Variants in DENND2A observed in about 807,000 individuals in gnomAD.
DENND2A encodes the protein DENN domain containing 2A.
DENND2A carries 53 observed loss-of-function variants against 105.3 expected under a neutral mutation model. The ratio of observed to expected loss-of-function variants is 0.50; its 90% CI spans 0.40 to 0.63. DENND2A has a LOEUF of 0.63. Ranked by LOEUF, DENND2A falls within the 30% of genes least tolerant of loss-of-function variation. The probability of loss-of-function intolerance (pLI) is 0.00; values close to 1 mark genes in which losing one functional copy is unlikely to be tolerated. For synonymous variants in DENND2A, 522 were observed against 508.4 expected (o/e 1.03, Z -0.36); for missense variants, 1,138 against 1,279.6 (o/e 0.89, Z 1.69).
intron 1 of DENND2A, among the ~76,000 whole-genome samples, chr7:140,610,344 G>T (rs1585751053): frequency 6.7e-6 from 1 of 149,384 alleles, no homozygotes; most frequent in African/African-American, 2.5e-5. Context: ...TTTTAATCCT[G>T]TTGGGTACTG....
intron 5 of DENND2A, among the ~76,000 whole-genome samples, chr7:140,576,839 TA>T (rs900492877): frequency 1.3e-5 from 2 of 152,216 alleles, no homozygotes; most frequent in Non-Finnish European, 2.9e-5. Context: ...AAATTCCATC[TA>T]CAATAAAATC....
At chr7:140,639,699 G>A (rs1387110964) in intron 1 of DENND2A, among the ~76,000 whole-genome samples, 1 of 152,120 alleles carries the variant, frequency 6.6e-6, no homozygotes. Flanking sequence ...TTGGAACCTT[G>A]GGGAAGTCAC....
At chr7:140,584,166 C>G (rs78842802) in intron 5 of DENND2A, among the ~76,000 whole-genome samples, 2 of 146,654 alleles carry the variant, frequency 1.4e-5, no homozygotes, top group African/African-American at 5.1e-5. Flanking sequence ...TGCTTGAACC[C>G]GGGAGGTGGA....
At position 140,573,983 on chromosome 7, in the gene DENND2A, A is replaced by C. The variant is rs1798200976; in HGVS notation, c.1271T>G (p.Phe424Cys). The part of the protein sequence containing the change: ...TKQSLSKPAF[F>C]RQNSERRNFK... Reference sequence around the variant, plus strand: ...GTTCCTCCTCTCTGAATTTTGTCGGAAAAAAGCAGGTTTGGACAATGACTG... The same window carrying C: ...GTTCCTCCTCTCTGAATTTTGTCGGCAAAAAGCAGGTTTGGACAATGACTG... Residue 424 changes from phenylalanine (F) to cysteine (C), a missense_variant, in exon 6 of 20, where the codon TTC becomes TGC. Transcript: ENST00000496613. The C allele has an allele frequency of 6.2e-7, 1 of 1,614,146 alleles. No homozygotes were observed. Among genetic ancestry groups the C allele is most frequent in the Admixed American group, 1.7e-5 (1 of 60,008 alleles).
At chr7:140,566,356 CT>C (rs1206969013) in intron 9 of DENND2A, among the ~76,000 whole-genome samples, 1 of 152,064 alleles carries the variant, frequency 6.6e-6, no homozygotes. Flanking sequence ...AATAAATTTG[CT>C]TTCATTTTAC....
intron 1 of DENND2A, among the ~76,000 whole-genome samples, chr7:140,638,533 G>C (rs1801043351): frequency 6.6e-6 from 1 of 152,064 alleles, no homozygotes; most frequent in Non-Finnish European, 1.5e-5. Context: ...CCAACAACTA[G>C]AAGGAGCGCA....
chr7:140,560,619 C>T (rs1371804103), intron 9 of DENND2A, among the ~76,000 whole-genome samples: 1 of 151,640 alleles, frequency 6.6e-6, no homozygotes, highest in Non-Finnish European at 1.5e-5. Flanking sequence ...TAGCAAGGTC[C>T]CACCTCTATG....
At chr7:140,568,646 C>T (rs920803185) in intron 8 of DENND2A, 117 bp downstream of exon 8, 100 of 1,057,210 alleles carry the variant, frequency 9.5e-5, no homozygotes, top group African/African-American at 3.9e-4. Context: ...GAGATGTCCA[C>T]GCCTTGCCAA....
chr7:140,626,411 T>C (rs1185897834), intron 1 of DENND2A, among the ~76,000 whole-genome samples: 2 of 152,154 alleles, frequency 1.3e-5, no homozygotes, highest in African/African-American at 4.8e-5. Flanking sequence ...ATCCTGAGAA[T>C]GGGAGGAAGG....
chr7:140,539,142 T>G (rs1234996881), intron 14 of DENND2A, among the ~76,000 whole-genome samples: 1 of 152,226 alleles, frequency 6.6e-6, no homozygotes, highest in Non-Finnish European at 1.5e-5. Context: ...TTCCAGAATT[T>G]TCCAGGTCAG....
At chr7:140,531,661 A>G (rs1796270955) in intron 14 of DENND2A, among the ~76,000 whole-genome samples, 1 of 151,536 alleles carries the variant, frequency 6.6e-6, no homozygotes, top group South Asian at 2.1e-4. Flanking sequence ...TACAAAAACA[A>G]AAAACGAGTC....
rs28513390 is a variant in DENND2A, at chr7:140,595,806, C to A, written c.995+5597G>T. 7.1e-3 allele frequency among the ~76,000 whole-genome samples: 1,086 copies of A among 152,120 alleles called. 8 individuals carry two copies. Among genetic ancestry groups the A allele is most frequent in the African/African-American group, 0.024 (1,009 of 41,488 alleles). ...CTTGGCTAGCCTGGCACCTAGCGAC[C>A]ATTTAAAACATCATCCAGCTGGGTT... is the stretch of plus-strand genomic sequence containing the variant. On this transcript the variant is annotated intron_variant, in intron 3 of 19. Coordinates refer to ENST00000496613, the MANE Select transcript of DENND2A (RefSeq NM_015689.5).
In DENND2A at chr7:140,559,307, T is replaced by A. The variant is rs1797518178; in HGVS notation, c.1889+401A>T. On this transcript the variant is annotated intron_variant, in intron 10 of 19. Coordinates refer to ENST00000496613, the MANE Select transcript of DENND2A (RefSeq NM_015689.5). The surrounding 1 kb of genome is among the most constrained non-coding windows in gnomAD (Gnocchi z 4.1). ...CTGAGTTTGGCCAAATGCGGAAACA[T>A]CTGATAATAAAAACACTGGTGTCTA... is the stretch of plus-strand genomic sequence containing the variant. Among the ~76,000 whole-genome samples the A allele has an allele frequency of 6.6e-6, 1 of 152,096 alleles. No homozygotes were observed. The highest frequency in any genetic ancestry group is 2.4e-5 in the African/African-American group (1 of 41,414).
intron 5 of DENND2A, among the ~76,000 whole-genome samples, chr7:140,576,017 G>T (rs1798286429): frequency 6.7e-6 from 1 of 148,770 alleles, no homozygotes. Context: ...TGATATGGAA[G>T]GTTCTTTCAG....
At chr7:140,637,784 CCA>C (rs1355774857) in intron 1 of DENND2A, among the ~76,000 whole-genome samples, 1 of 152,174 alleles carries the variant, frequency 6.6e-6, no homozygotes, top group Non-Finnish European at 1.5e-5. Context: ...CCTTCTCAGA[CCA>C]CAGTCTCAGC....
chr7:140,624,580 G>A (rs564719548), intron 1 of DENND2A, among the ~76,000 whole-genome samples: 91 of 152,178 alleles, frequency 6.0e-4, no homozygotes, highest in African/African-American at 2.1e-3. Context: ...CCTGTCTGGG[G>A]CTCATTCACC....
intron 1 of DENND2A, among the ~76,000 whole-genome samples, chr7:140,619,228 T>A (rs1800193066): frequency 6.6e-6 from 1 of 152,210 alleles, no homozygotes; most frequent in African/African-American, 2.4e-5. Context: ...AGTTAAGCAA[T>A]GTAATGGTAA....
At chr7:140,577,959 A>T (rs1017098941) in intron 5 of DENND2A, among the ~76,000 whole-genome samples, 2 of 152,120 alleles carry the variant, frequency 1.3e-5, no homozygotes, top group Non-Finnish European at 2.9e-5. Flanking sequence ...TCCAGAGAAG[A>T]TTCTAGCTTT....
At chr7:140,578,738 G>C (rs1798409551) in intron 5 of DENND2A, among the ~76,000 whole-genome samples, 1 of 152,072 alleles carries the variant, frequency 6.6e-6, no homozygotes, top group Non-Finnish European at 1.5e-5. Context: ...AAAATTAGCT[G>C]GGTGTGGTAG....
Sources: allele counts gnomAD v4.1 joint callset (sites outside exome capture counted in the v4.1 genomes callset), GRCh38; gene constraint gnomAD v4.1.1; non-coding constraint Gnocchi (gnomAD v3.1); transcripts MANE v1.5; gene names NCBI Gene and HGNC (gene_info 2026-07-23, HGNC 2026-07-21).